The following DLEC1 variants were observed in gnomAD, a reference collection of about 807,000 sequenced individuals.
The protein encoded by DLEC1 is deleted in lung and esophageal cancer protein 1.
Under a neutral mutation model 198.1 loss-of-function variants are expected in DLEC1, and 146 were observed. That is an observed-to-expected ratio of 0.74 (90% CI 0.64 to 0.85). The LOEUF (loss-of-function observed/expected upper bound fraction) is 0.85, where lower values mean the gene tolerates loss of function less well. Among genes scored for constraint, DLEC1 ranks in the 40% least tolerant of loss-of-function variants. The pLI is 0.00. For missense variants in DLEC1, 2,233 were observed against 2,220.0 expected (o/e 1.01, Z -0.12); for synonymous variants, 897 against 866.8 (o/e 1.03, Z -0.61).
intron 28 of DLEC1, 32 bp downstream of exon 28, chr3:38,116,690 G>C (rs773439968): frequency 6.2e-7 from 1 of 1,610,770 alleles, no homozygotes; most frequent in Non-Finnish European, 8.5e-7. Flanking sequence ...GGGCAGGCTG[G>C]CCACTGAGGG....
Position 38,052,629 on chromosome 3 carries a change from C to T in DLEC1, c.562+6936C>T, listed in dbSNP as rs373741728. Among the ~76,000 whole-genome samples the T allele has an allele frequency of 1.1e-4, 17 of 152,298 alleles. No homozygotes were observed. The East Asian group carries it at 1.2e-3, about 10-fold the overall frequency. On this transcript the variant is annotated intron_variant, in intron 2 of 36. Coordinates refer to ENST00000308059, the MANE Select transcript of DLEC1 (RefSeq NM_007335.4). ...ACCATGAGGTGTGGAGTTGGAACTG[C>T]GCCCTCAAAGATGATGAGGTCTCCG... is the stretch of plus-strand genomic sequence containing the variant.
chr3:38,104,906 CTTTT>C (rs1326076786), intron 19 of DLEC1, among the ~76,000 whole-genome samples: 9 of 152,024 alleles, frequency 5.9e-5, no homozygotes, highest in African/African-American at 7.2e-5. Flanking sequence ...TGCAATCTTT[CTTTT>C]TTGTTTGTTT....
intron 2 of DLEC1, among the ~76,000 whole-genome samples, chr3:38,053,061 G>C (rs1174072279): frequency 6.6e-6 from 1 of 152,210 alleles, no homozygotes; most frequent in African/African-American, 2.4e-5. Context: ...CGAGGTGCCG[G>C]GATTGTAGAC....
Position 38,059,867 on chromosome 3 carries a change from C to T in DLEC1, c.673+15C>T. On this transcript the variant is annotated intron_variant, in intron 3 of 36. Coordinates refer to ENST00000308059, the MANE Select transcript of DLEC1 (RefSeq NM_007335.4). ...TGCACCTAAAGGTAATGCTTCTGTG[C>T]TCTCAAGGCCTCTGATACCATTTGG... The T allele has an allele frequency of 1.2e-6, 2 of 1,608,324 alleles. No individual in the cohort carries two copies. Among genetic ancestry groups the T allele is most frequent in the Non-Finnish European group, 1.7e-6 (2 of 1,175,876 alleles).
intron 7 of DLEC1, among the ~76,000 whole-genome samples, chr3:38,084,446 G>GTA (rs1236803062): frequency 5.2e-4 from 3 of 5,780 alleles, no homozygotes; most frequent in African/African-American, 9.3e-4. Context: ...TGGTGGTGGT[G>GTA]GTGGTGGTAG....
chr3:38,050,981 C>G (rs948115034), intron 2 of DLEC1, among the ~76,000 whole-genome samples: 1 of 151,166 alleles, frequency 6.6e-6, no homozygotes, highest in Non-Finnish European at 1.5e-5. Flanking sequence ...CATACTGGCT[C>G]ACTGCAACCT....
chr3:38,116,150 C>T (rs1157346699), intron 27 of DLEC1, among the ~76,000 whole-genome samples: 2 of 152,044 alleles, frequency 1.3e-5, no homozygotes, highest in Non-Finnish European at 2.9e-5. Flanking sequence ...ACAAACAGGC[C>T]GGAAGGAGAA....
intron 2 of DLEC1, among the ~76,000 whole-genome samples, chr3:38,054,355 G>T (rs774094793): frequency 6.6e-6 from 1 of 152,200 alleles, no homozygotes; most frequent in Non-Finnish European, 1.5e-5. Flanking sequence ...AGGCACTGAC[G>T]TTTTTCTGGG....
chr3:38,063,703 AC>A lies in DLEC1; in HGVS notation c.1095-132del, dbSNP rs1473310473. The A allele has an allele frequency of 8.2e-6, 5 of 606,190 alleles. No homozygotes were observed. In the Admixed American group the frequency reaches 9.3e-5, roughly 11 times the overall value. 37.6% of individuals were successfully genotyped at this position (606,190 alleles called of 1,614,324 possible). ...CCTGCATTAACAATAAGATCCAAAA[AC>A]CCCCCAACAAATGGTATATTGTGAA... On this transcript the variant is annotated intron_variant, in intron 5 of 36. Coordinates refer to ENST00000308059, the MANE Select transcript of DLEC1 (RefSeq NM_007335.4).
chr3:38,095,075 C>T lies in DLEC1; in HGVS notation c.2112+4C>T, dbSNP rs1410257205. On this transcript the variant is annotated splice_donor_region_variant and intron_variant, in intron 13 of 36. Coordinates refer to ENST00000308059, the MANE Select transcript of DLEC1 (RefSeq NM_007335.4). ...CCTGAGCTTTTCTCCTCATGAGGTT[C>T]AGATGGTGTCATCTCAGTAGCCACA... The T allele has an allele frequency of 1.2e-6, 2 of 1,613,822 alleles. No individual in the cohort carries two copies. The highest frequency in any genetic ancestry group is 1.7e-6 in the Non-Finnish European group (2 of 1,179,840).
Position 38,062,378 on chromosome 3 carries a change from G to A in DLEC1, c.873+10G>A. The A allele has an allele frequency of 6.2e-7, 1 of 1,614,142 alleles. No homozygotes were observed. Among genetic ancestry groups the A allele is most frequent in the South Asian group, 1.1e-5 (1 of 91,068 alleles). ...CAGAGAACCTCTCAAGGTCAGTTTG[G>A]AAGGCTGTGCAGAGCAGTGTTTGGG... On this transcript the variant is annotated intron_variant, in intron 4 of 36. Transcript: ENST00000308059.
At chr3:38,075,790 T>G (rs1697580735) in intron 6 of DLEC1, among the ~76,000 whole-genome samples, 1 of 151,766 alleles carries the variant, frequency 6.6e-6, no homozygotes, top group African/African-American at 2.4e-5. Context: ...AAGCGGGACT[T>G]GCCACTAAGG....
At chr3:38,056,218 G>A (rs1696364733) in intron 2 of DLEC1, among the ~76,000 whole-genome samples, 1 of 152,086 alleles carries the variant, frequency 6.6e-6, no homozygotes, top group Admixed American at 6.5e-5. Flanking sequence ...AGCTGAGATC[G>A]TGCCATCACA....
At chr3:38,097,144 G>A (rs1218580962) in intron 15 of DLEC1, 38 bp from the exon 16 acceptor site, 2 of 1,513,302 alleles carry the variant, frequency 1.3e-6, no homozygotes, top group Non-Finnish European at 9.0e-7. Flanking sequence ...GACATGAAGG[G>A]GCAGTAAATG....
At position 38,107,707 on chromosome 3, in the gene DLEC1, G is replaced by C; in HGVS notation, c.2988G>C (p.Thr996=). The C allele has an allele frequency of 1.9e-6, 3 of 1,613,974 alleles. No individual in the cohort carries two copies. Among genetic ancestry groups the C allele is most frequent in the Non-Finnish European group, 2.5e-6 (3 of 1,179,942 alleles). The change falls in exon 20 of 37, where the codon ACG becomes ACC. Residue 996 remains threonine (T), a synonymous_variant. Transcript: ENST00000308059. ...TKTTITLING[T]LLPTQFHWGK... Reference sequence around the variant, plus strand: ...CAACCATCACACTTATCAATGGCACGCTCCTGCCTACCCAGTTCCACTGGG... The same window carrying C: ...CAACCATCACACTTATCAATGGCACCCTCCTGCCTACCCAGTTCCACTGGG...
intron 6 of DLEC1, among the ~76,000 whole-genome samples, chr3:38,083,377 G>A (rs1296425514): frequency 6.6e-6 from 1 of 151,460 alleles, no homozygotes; most frequent in Admixed American, 6.6e-5. Context: ...AGGAGTGGGG[G>A]TTGCAAAGTA....
chr3:38,041,633 G>T (rs920068043), intron 1 of DLEC1, among the ~76,000 whole-genome samples: 1 of 151,726 alleles, frequency 6.6e-6, no homozygotes, highest in Non-Finnish European at 1.5e-5. Context: ...CAGATCACGA[G>T]GTCAGAAGTT....
intron 2 of DLEC1, among the ~76,000 whole-genome samples, chr3:38,050,310 G>A (rs1701054672): frequency 6.6e-6 from 1 of 152,206 alleles, no homozygotes; most frequent in African/African-American, 2.4e-5. Flanking sequence ...TCTTAAGAAA[G>A]CCCTGCTTCA....
At chr3:38,108,547 G>A (rs374142446) in intron 21 of DLEC1, 32 bp downstream of exon 21, 276 of 1,573,142 alleles carry the variant, frequency 1.8e-4, no homozygotes, top group Middle Eastern at 3.6e-4. Context: ...CTGAGTGACC[G>A]GGAAGGCACC....
Sources: gnomAD v4.1 joint callset for allele counts (sites outside exome capture counted in the v4.1 genomes callset) on GRCh38, gnomAD v4.1.1 for gene constraint, MANE v1.5 for transcripts, NCBI Gene and HGNC (gene_info 2026-07-23, HGNC 2026-07-21) for gene names.